Variants in SYN1 observed in about 807,000 individuals in gnomAD.
The protein encoded by SYN1 is synapsin-1.
A neutral mutation model predicts 44.6 loss-of-function variants in SYN1; 8 were observed. That is an observed-to-expected ratio of 0.18 (90% CI 0.11 to 0.32). SYN1 has a LOEUF of 0.32. Ranked by LOEUF, SYN1 falls within the 10% of genes least tolerant of loss-of-function variation. The pLI, the probability that SYN1 is intolerant of heterozygous loss-of-function variation, is 1.00. For missense variants in SYN1, 451 were observed against 639.4 expected (o/e 0.71, Z 3.18); for synonymous variants, 275 against 280.1 (o/e 0.98, Z 0.18).
chrX:47,598,400 G>GAA (rs113657775), intron 5 of SYN1, among the ~76,000 whole-genome samples: 174 of 100,306 alleles, frequency 1.7e-3, no homozygotes, highest in African/African-American at 5.9e-3. Flanking sequence ...AAACAACTAA[G>GAA]AAAAAAAAAA....
Position 47,598,859 on chromosome X carries a change from A to G in SYN1, c.774+6119T>C, listed in dbSNP as rs193140327. 6.4e-5 allele frequency among the ~76,000 whole-genome samples: 7 copies of G among 109,566 alleles called. No homozygotes were observed. In the East Asian group the frequency reaches 2.0e-3, roughly 31 times the overall value. On this transcript the variant is annotated intron_variant, in intron 5 of 12. Coordinates refer to ENST00000295987, the MANE Select transcript of SYN1 (RefSeq NM_006950.3). ...ATAAATAAATAAATAAATAAAAAAT[A>G]AAAAACTAAAAATTAGCTGAGCATG...
rs1395187306 is a variant in SYN1, at chrX:47,574,817, C to A, written c.1306-42G>T. 6.4e-6 allele frequency: 7 copies of A among 1,094,717 alleles called. 1 individual carries two copies. In the Admixed American group the frequency reaches 1.8e-4, roughly 28 times the overall value. 90.2% of individuals were successfully genotyped at this position (1,094,717 alleles called of 1,213,427 possible). On this transcript the variant is annotated intron_variant, in intron 10 of 12. Coordinates refer to ENST00000295987, the MANE Select transcript of SYN1 (RefSeq NM_006950.3). ...GAGCAGGAGAGGTTAAAAATAGTTA[C>A]CAGCCAGTGGAGCATCAGCCAGTGA... is the stretch of plus-strand genomic sequence containing the variant.
intron 5 of SYN1, among the ~76,000 whole-genome samples, chrX:47,593,790 T>TA (rs2057855589): frequency 2.7e-5 from 3 of 112,365 alleles, no homozygotes. Flanking sequence ...ATTGGTTTGT[T>TA]AACCTCTAAT....
intron 5 of SYN1, chrX:47,583,374 G>T (rs1295184266): frequency 8.5e-7 from 1 of 1,171,217 alleles, no homozygotes; most frequent in Non-Finnish European, 1.1e-6. Flanking sequence ...GATCAGCTGG[G>T]CCGGGGCCTG....
At chrX:47,616,157 C>T (rs894270584) in intron 1 of SYN1, among the ~76,000 whole-genome samples, 1 of 111,357 alleles carries the variant, frequency 9.0e-6, no homozygotes, top group African/African-American at 3.3e-5. Context: ...AAACAGGTCT[C>T]TGTTCCCCAC....
Position 47,576,517 on chromosome X carries a change from G to C in SYN1, c.961C>G (p.Gln321Glu), listed in dbSNP as rs1041800542. 1 of 1,211,948 alleles carries C rather than the reference G, an allele frequency of 8.3e-7. No homozygotes were observed. The highest frequency in any genetic ancestry group is 1.1e-6 in the Non-Finnish European group (1 of 895,577). The change falls in exon 7 of 13, where the codon CAG becomes GAG. Residue 321 changes from glutamine (Q) to glutamate (E), a missense_variant. This residue lies in a region of SYN1 where 315 missense variants were observed against 451.4 expected (regional missense o/e 0.70). Coordinates refer to ENST00000295987, the MANE Select transcript of SYN1 (RefSeq NM_006950.3). ...KYDVRVQKIG[Q>E]NYKAYMRTSV... ...ACTCACATGTAGGCCTTGTAGTTCTGCCCAATCTTCTGGACACGCACGTCA... is the reference window on the plus strand; with the variant it reads ...ACTCACATGTAGGCCTTGTAGTTCTCCCCAATCTTCTGGACACGCACGTCA...
At chrX:47,613,221 T>C (rs907420435) in intron 1 of SYN1, among the ~76,000 whole-genome samples, 14 of 106,812 alleles carry the variant, frequency 1.3e-4, no homozygotes, top group Admixed American at 3.0e-4. Context: ...CATGGCGCCA[T>C]GGAAGTGACA....
intron 5 of SYN1, among the ~76,000 whole-genome samples, chrX:47,596,834 T>C (rs2057865064): frequency 8.9e-6 from 1 of 111,822 alleles, no homozygotes. Context: ...GAAACAAAAT[T>C]AAGTGTGGCC....
Position 47,576,363 on chromosome X carries a change from C to T in SYN1, c.1024G>A (p.Ala342Thr). 2 of 1,211,957 alleles carry T rather than the reference C, an allele frequency of 1.7e-6. No homozygotes were observed. Among genetic ancestry groups the T allele is most frequent in the Non-Finnish European group, 2.2e-6 (2 of 895,563 alleles). ...GACATGGCAATTTGCTCCAGCATCG[C>T]AGAGCCAGTATTGGTCTTCCAGTTC... ...SGNWKTNTGSAMLEQIAMSDR... is the reference protein window; with the variant it reads ...SGNWKTNTGSTMLEQIAMSDR... Residue 342 changes from alanine (A) to threonine (T), a missense_variant, in exon 8 of 13, where the codon GCG (alanine) becomes ACG (threonine). Around this residue, in one of 3 missense-constraint regions of SYN1, gnomAD observed 315 missense variants for 451.4 expected, o/e 0.70. Coordinates refer to ENST00000295987, the MANE Select transcript of SYN1 (RefSeq NM_006950.3).
At chrX:47,594,711 C>T (rs1330737751) in intron 5 of SYN1, among the ~76,000 whole-genome samples, 1 of 103,673 alleles carries the variant, frequency 9.6e-6, no homozygotes, top group African/African-American at 3.4e-5. Flanking sequence ...CATCACATTT[C>T]TTTCTTTCTT....
rs770823538 is a variant in SYN1 at position 47,578,016 on chromosome X, C to G, written c.775-515G>C. ...ATGTACATCGCCAAACCCAGAGATG[C>G]CAGTGACATTGAGACTGACAGCCAA... is the stretch of plus-strand genomic sequence containing the variant. On this transcript the variant is annotated intron_variant, in intron 5 of 12. Coordinates refer to ENST00000295987, the MANE Select transcript of SYN1 (RefSeq NM_006950.3). Among the ~76,000 whole-genome samples the G allele has an allele frequency of 2.7e-5, 3 of 110,742 alleles. No homozygotes were observed. The South Asian group carries it at 1.1e-3, about 42-fold the overall frequency.
At chrX:47,582,688 C>T (rs1213191914) in intron 5 of SYN1, 9 of 270,875 alleles carry the variant, frequency 3.3e-5, no homozygotes, top group Admixed American at 1.8e-4. Context: ...CCCTGACATC[C>T]GCCCCCAATT....
intron 5 of SYN1, among the ~76,000 whole-genome samples, chrX:47,597,430 A>T (rs2057867077): frequency 9.0e-6 from 1 of 110,596 alleles, no homozygotes; most frequent in Non-Finnish European, 1.9e-5. Context: ...TTGAGCTGGC[A>T]GGGTAAAGAA....
At chrX:47,585,227 TA>T in intron 5 of SYN1, 1 of 1,198,897 alleles carries the variant, frequency 8.3e-7, no homozygotes, top group Non-Finnish European at 1.1e-6. Context: ...TTCCAAGCCT[TA>T]GGGGATGCCG....
intron 3 of SYN1, 90 bp downstream of exon 3, chrX:47,606,855 G>T: frequency 2.2e-6 from 2 of 902,948 alleles, no homozygotes; most frequent in South Asian, 2.1e-5. Context: ...CCCACAGAAG[G>T]ATGGGTGGGG....
At chrX:47,597,999 A>G (rs1387589490) in intron 5 of SYN1, among the ~76,000 whole-genome samples, 1 of 112,790 alleles carries the variant, frequency 8.9e-6, no homozygotes, top group Non-Finnish European at 1.9e-5. Context: ...GAGATAGTTC[A>G]TCACTAACAA....
intron 1 of SYN1, among the ~76,000 whole-genome samples, chrX:47,608,275 GAA>G (rs1569331327): frequency 0.04 from 361 of 9,077 alleles, 6 homozygotes; most frequent in African/African-American, 0.098. Context: ...AGGAAGGAAG[GAA>G]GGAAGGAAGG....
At chrX:47,606,602 A>C (rs1414856460) in intron 3 of SYN1, among the ~76,000 whole-genome samples, 1 of 108,340 alleles carries the variant, frequency 9.2e-6, no homozygotes, top group Admixed American at 1.0e-4. Context: ...GGTGGTGCGC[A>C]CCTGTAGTCT....
intron 5 of SYN1, among the ~76,000 whole-genome samples, chrX:47,602,640 C>CAA (rs778178512): frequency 1.1e-5 from 1 of 88,873 alleles, no homozygotes. Context: ...GACTCCTCCT[C>CAA]AAAAAAAAAA....
Sources: allele counts gnomAD v4.1 joint callset (sites outside exome capture counted in the v4.1 genomes callset), GRCh38; gene constraint gnomAD v4.1.1; regional missense constraint gnomAD v4.1.1; transcripts MANE v1.5; gene names NCBI Gene and HGNC (gene_info 2026-07-23, HGNC 2026-07-21).